Variants in STRN observed in about 807,000 individuals in gnomAD.
STRN encodes the protein protein phosphatase 2 regulatory subunit B'''alpha.
In STRN, 53 loss-of-function variants were observed where a neutral mutation model predicts 96.3. The observed-to-expected ratio is 0.55, with a 90% confidence interval of 0.44 to 0.69. STRN has a LOEUF of 0.69. Among genes scored for constraint, STRN ranks in the 30% least tolerant of loss-of-function variants. STRN has a pLI of 0.00. For synonymous variants in STRN, 428 were observed against 355.9 expected (o/e 1.20, Z -2.28); for missense variants, 987 against 963.9 (o/e 1.02, Z -0.32).
At position 36,923,280 on chromosome 2, in the gene STRN, C is replaced by T. The variant is rs182951725; in HGVS notation, c.338+1825G>A. On this transcript the variant is annotated intron_variant, in intron 2 of 17. Coordinates refer to ENST00000263918, the MANE Select transcript of STRN (RefSeq NM_003162.4). ...TCTGACCAATATGGTGAAACCCTGT[C>T]TCTACTAAAAATGCAAAAAAATTAG... Among the ~76,000 whole-genome samples the T allele has an allele frequency of 8.1e-3, 1,229 of 151,412 alleles. 31 individuals are homozygous for T. Among genetic ancestry groups the T allele is most frequent in the Admixed American group, 0.04 (608 of 15,172 alleles).
chr2:36,934,230 C>G (rs1460093970), intron 1 of STRN, among the ~76,000 whole-genome samples: 1 of 152,172 alleles, frequency 6.6e-6, no homozygotes, highest in South Asian at 2.1e-4. Flanking sequence ...CAGAAATGTT[C>G]TATATCTCCC....
intron 15 of STRN, among the ~76,000 whole-genome samples, chr2:36,853,621 C>A (rs532232514): frequency 3.3e-5 from 5 of 152,202 alleles, no homozygotes; most frequent in Non-Finnish European, 7.3e-5. Flanking sequence ...ACAGTCAAAT[C>A]GCCATTGACA....
chr2:36,853,031 C>T (rs1263517038), intron 15 of STRN, among the ~76,000 whole-genome samples: 2 of 152,166 alleles, frequency 1.3e-5, no homozygotes, highest in South Asian at 2.1e-4. Flanking sequence ...GTGGCACACG[C>T]CTGTGGTCCC....
At chr2:36,873,885 G>A (rs1381209714) in intron 10 of STRN, among the ~76,000 whole-genome samples, 1 of 150,676 alleles carries the variant, frequency 6.6e-6, no homozygotes, top group Non-Finnish European at 1.5e-5. Context: ...AGAGGTTGCA[G>A]TGAGCCGAGA....
intron 6 of STRN, among the ~76,000 whole-genome samples, chr2:36,895,400 A>G (rs2148190605): frequency 6.6e-6 from 1 of 152,148 alleles, no homozygotes; most frequent in African/African-American, 2.4e-5. Context: ...TTGTTTAACT[A>G]TTTGGGATAT....
chr2:36,921,427 C>T (rs1305878836), intron 2 of STRN, among the ~76,000 whole-genome samples: 3 of 152,208 alleles, frequency 2.0e-5, no homozygotes, highest in African/African-American at 7.2e-5. Context: ...TTCCCCAATA[C>T]TTGTTCTATC....
intron 2 of STRN, among the ~76,000 whole-genome samples, chr2:36,922,371 T>A (rs969637253): frequency 6.6e-5 from 10 of 151,864 alleles, no homozygotes; most frequent in African/African-American, 1.9e-4. Context: ...ATTAAAAATT[T>A]ATCTGTGTGG....
At position 36,843,161 on chromosome 2, in the gene STRN, C is replaced by A. The variant is rs1667989087; in HGVS notation, c.*6295G>T. 1.3e-5 allele frequency among the ~76,000 whole-genome samples: 2 copies of A among 152,142 alleles called. No homozygotes were observed. Among genetic ancestry groups the A allele is most frequent in the African/African-American group, 4.8e-5 (2 of 41,426 alleles). ...GATAAAAGAGGTGTTTCCAACACTA[C>A]TGAAAATGTGTGTACATACCAAAGG... On this transcript the variant is annotated 3_prime_UTR_variant, in exon 18 of 18. Transcript: ENST00000263918.
chr2:36,965,166 A>G (rs1046401880), intron 1 of STRN, among the ~76,000 whole-genome samples: 9 of 152,370 alleles, frequency 5.9e-5, no homozygotes, highest in Admixed American at 5.9e-4. Context: ...CACACTGGGT[A>G]GCATTTTAAA....
chr2:36,876,364 T>G lies in STRN; in HGVS notation c.1323+1527A>C, dbSNP rs72872398. Among the ~76,000 whole-genome samples, 542 of 152,158 alleles carry G rather than the reference T, an allele frequency of 3.6e-3. 1 individual carries two copies. Among genetic ancestry groups the G allele is most frequent in the African/African-American group, 0.012 (507 of 41,512 alleles). On this transcript the variant is annotated intron_variant, in intron 10 of 17. Transcript: ENST00000263918. ...CATTTAGATTAGATGGTTATTGTAG[T>G]AGCTCTGGCTAAGAAAAAAATGGAC...
At chr2:36,933,330 CCA>C (rs1283125591) in intron 1 of STRN, among the ~76,000 whole-genome samples, 5 of 152,170 alleles carry the variant, frequency 3.3e-5, no homozygotes, top group Middle Eastern at 3.4e-3. Flanking sequence ...ACTTGAGCAT[CCA>C]CAGTTTTTTG....
chr2:36,962,094 A>G (rs1162820881), intron 1 of STRN, among the ~76,000 whole-genome samples: 1 of 152,174 alleles, frequency 6.6e-6, no homozygotes, highest in Non-Finnish European at 1.5e-5. Flanking sequence ...CAACAATTTA[A>G]GCTTCATAAG....
At chr2:36,927,369 C>T (rs1161462522) in intron 1 of STRN, among the ~76,000 whole-genome samples, 1 of 151,992 alleles carries the variant, frequency 6.6e-6, no homozygotes, top group Non-Finnish European at 1.5e-5. Context: ...ATCAGCCAGG[C>T]ATGGTGGCAT....
At chr2:36,948,583 A>T (rs1480394170) in intron 1 of STRN, among the ~76,000 whole-genome samples, 1 of 152,196 alleles carries the variant, frequency 6.6e-6, no homozygotes, top group Non-Finnish European at 1.5e-5. Context: ...GGTACAGAGG[A>T]AGTTGCCAAA....
At chr2:36,946,263 A>G (rs1670982272) in intron 1 of STRN, among the ~76,000 whole-genome samples, 1 of 151,872 alleles carries the variant, frequency 6.6e-6, no homozygotes, top group South Asian at 2.1e-4. Context: ...AAAACATCCA[A>G]ATATGAGAAA....
intron 1 of STRN, among the ~76,000 whole-genome samples, chr2:36,931,422 C>T (rs1172091803): frequency 6.6e-6 from 1 of 152,194 alleles, no homozygotes; most frequent in East Asian, 1.9e-4. Flanking sequence ...CGTTAGGGTA[C>T]AAGACCAGCT....
Position 36,907,140 on chromosome 2 carries a change from G to C in STRN, c.413-1522C>G, listed in dbSNP as rs535220069. On this transcript the variant is annotated intron_variant, in intron 3 of 17. Coordinates refer to ENST00000263918, the MANE Select transcript of STRN (RefSeq NM_003162.4). ...GTTCTACATTAACAGTACAAAAAAA[G>C]TGCATACTTTCCTCAGCCCTTGATC... Among the ~76,000 whole-genome samples, 19 of 152,238 alleles carry C rather than the reference G, an allele frequency of 1.2e-4. No individual in the cohort carries two copies. The East Asian group carries it at 2.3e-3, about 19-fold the overall frequency.
intron 8 of STRN, 135 bp downstream of exon 8, chr2:36,886,581 G>A (rs1190069674): frequency 3.2e-6 from 2 of 630,728 alleles, no homozygotes; most frequent in Non-Finnish European, 5.4e-6. Context: ...CAACCCCTGA[G>A]AGCAGGTGAA....
intron 10 of STRN, among the ~76,000 whole-genome samples, chr2:36,872,763 T>C (rs1668795423): frequency 6.6e-6 from 1 of 152,080 alleles, no homozygotes; most frequent in Admixed American, 6.6e-5. Context: ...GGAACAAAAG[T>C]ATCTAATGGG....
Sources: gnomAD v4.1 joint callset for allele counts (sites outside exome capture counted in the v4.1 genomes callset) on GRCh38, gnomAD v4.1.1 for gene constraint, MANE v1.5 for transcripts, NCBI Gene and HGNC (gene_info 2026-07-23, HGNC 2026-07-21) for gene names.